The following PRDX3 variants were observed in gnomAD, a reference collection of about 807,000 sequenced individuals.
The protein encoded by PRDX3 is peroxiredoxin 3, also known as thioredoxin-dependent peroxide reductase, mitochondrial.
PRDX3 carries 20 observed loss-of-function variants against 30.4 expected under a neutral mutation model. The observed-to-expected ratio is 0.66, with a 90% CI of 0.46 to 0.96. The LOEUF is 0.96. Ranked by LOEUF, PRDX3 falls within the 40% of genes least tolerant of loss-of-function variation. The pLI is 0.00. For missense variants in PRDX3, 322 were observed against 318.3 expected (o/e 1.01, Z -0.09); for synonymous variants, 124 against 117.8 (o/e 1.05, Z -0.34).
intron 1 of PRDX3, among the ~76,000 whole-genome samples, chr10:119,177,649 CAAA>C (rs34339894): frequency 3.2e-5 from 3 of 94,868 alleles, no homozygotes; most frequent in African/African-American, 3.7e-5. Context: ...AACTCCGTCT[CAAA>C]AAAAAAAAAA....
At chr10:119,177,431 G>A (rs1215939521) in intron 1 of PRDX3, among the ~76,000 whole-genome samples, 5 of 152,076 alleles carry the variant, frequency 3.3e-5, no homozygotes, top group Admixed American at 6.6e-5. Context: ...AGGCCAAGAC[G>A]GGTTGATCAC....
chr10:119,169,452 C>T (rs948774691), intron 5 of PRDX3, 110 bp from the exon 6 acceptor site: 8 of 942,604 alleles, frequency 8.5e-6, no homozygotes, highest in African/African-American at 3.3e-5. Flanking sequence ...ATTTATTAAG[C>T]GTAATCATAT....
At chr10:119,175,309 G>A (rs1032896781) in intron 2 of PRDX3, among the ~76,000 whole-genome samples, 8 of 152,210 alleles carry the variant, frequency 5.3e-5, no homozygotes, top group Admixed American at 2.0e-4. Flanking sequence ...CTAAGGGTAC[G>A]GAGTGAAGAG....
Position 119,169,246 on chromosome 10 carries a change from C to G in PRDX3, c.648G>C (p.Val216=), listed in dbSNP as rs763094352. ...GRSVEETLRL[V]KAFQYVETHG... ...GTGTTTCTACATACTGGAACGCCTTCACCAAGCGGAGGGTTTCTTCCACGC... is the reference window on the plus strand; with the variant it reads ...GTGTTTCTACATACTGGAACGCCTTGACCAAGCGGAGGGTTTCTTCCACGC... The change falls in exon 6 of 7, where the codon GTG becomes GTC. Residue 216 remains valine (V), a synonymous_variant. Transcript: ENST00000298510. 6.2e-6 allele frequency: 10 copies of G among 1,613,570 alleles called. No individual in the cohort carries two copies. The highest frequency in any genetic ancestry group is 8.5e-6 in the Non-Finnish European group (10 of 1,180,034).
At chr10:119,174,881 T>C in intron 2 of PRDX3, 1 of 278,726 alleles carries the variant, frequency 3.6e-6, no homozygotes. Flanking sequence ...TTACTCATAA[T>C]ACCTAATACG....
intron 5 of PRDX3, 115 bp from the exon 6 acceptor site, chr10:119,169,457 T>C: frequency 2.2e-6 from 2 of 903,704 alleles, no homozygotes; most frequent in Non-Finnish European, 3.2e-6. Flanking sequence ...TTAAGCGTAA[T>C]CATATGCTTA....
rs770221597 is a variant in PRDX3 at position 119,178,783 on chromosome 10, G to T, written c.8C>A (p.Ala3Asp). 1 of 1,553,106 alleles carries T rather than the reference G, an allele frequency of 6.4e-7. No individual in the cohort carries two copies. The highest frequency in any genetic ancestry group is 8.7e-7 in the Non-Finnish European group (1 of 1,148,270). The change falls in exon 1 of 7, where the codon GCT becomes GAT. Residue 3 changes from alanine to aspartate, a missense_variant. Coordinates refer to ENST00000298510, the MANE Select transcript of PRDX3 (RefSeq NM_006793.5). The part of the protein sequence containing the change: MA[A>D]AVGRLLRASV... ...CGCTCGGAGCAACCGTCCTACAGCA[G>T]CCGCCATCTTCAGTGCACTCGGGCG...
chr10:119,178,398 AGGCAT>A (rs1489185679), intron 1 of PRDX3, among the ~76,000 whole-genome samples: 1 of 152,208 alleles, frequency 6.6e-6, no homozygotes, highest in East Asian at 1.9e-4. Context: ...GCCTTGATGT[AGGCAT>A]CATTCTTTCC....
chr10:119,178,485 C>T (rs926113486), intron 1 of PRDX3, among the ~76,000 whole-genome samples: 2 of 152,210 alleles, frequency 1.3e-5, no homozygotes, highest in African/African-American at 4.8e-5. Flanking sequence ...AGAATCAGGG[C>T]CAGGACCTTA....
intron 5 of PRDX3, chr10:119,169,767 T>C (rs961573557): frequency 6.5e-6 from 1 of 153,590 alleles, no homozygotes; most frequent in Non-Finnish European, 1.4e-5. Context: ...CTGTTTATTA[T>C]GAATGAATTA....
chr10:119,168,471 A>G lies in PRDX3; in HGVS notation c.*9T>C. 3 of 1,613,680 alleles carry G rather than the reference A, an allele frequency of 1.9e-6. No individual in the cohort carries two copies. In the South Asian group the frequency reaches 3.3e-5, roughly 18 times the overall value. On this transcript the variant is annotated 3_prime_UTR_variant, in exon 7 of 7. Transcript: ENST00000298510. Reference sequence around the variant, plus strand: ...CTCAGTTGAGAAGGTGCAGATACACATGGGTGATCTACTGATTTACCTTCT... The same window carrying G: ...CTCAGTTGAGAAGGTGCAGATACACGTGGGTGATCTACTGATTTACCTTCT...
intron 3 of PRDX3, 143 bp from the exon 4 acceptor site, chr10:119,174,015 G>A: frequency 1.4e-6 from 1 of 699,638 alleles, no homozygotes; most frequent in Non-Finnish European, 2.2e-6. Context: ...GTGTTGTGCT[G>A]GCAAAAGTAC....
intron 2 of PRDX3, among the ~76,000 whole-genome samples, chr10:119,176,717 C>T (rs1284937103): frequency 6.6e-6 from 1 of 152,224 alleles, no homozygotes; most frequent in African/African-American, 2.4e-5. Context: ...ACTCAGAAGG[C>T]ATCTGAGCTC....
chr10:119,170,863 C>G (rs1303858835), intron 5 of PRDX3: 2 of 150,138 alleles, frequency 1.3e-5, no homozygotes, highest in Non-Finnish European at 3.0e-5. Flanking sequence ...CCACTGCACT[C>G]CAGCCTGGGC....
At chr10:119,176,389 C>T (rs895856635) in intron 2 of PRDX3, among the ~76,000 whole-genome samples, 2 of 152,174 alleles carry the variant, frequency 1.3e-5, no homozygotes, top group African/African-American at 4.8e-5. Flanking sequence ...TGCCCACAAA[C>T]AAAGGCTTTA....
chr10:119,169,408 C>T, intron 5 of PRDX3, 66 bp from the exon 6 acceptor site: 2 of 1,306,514 alleles, frequency 1.5e-6, no homozygotes, highest in Non-Finnish European at 2.1e-6. Context: ...TAACTTCTTC[C>T]CTTTTAGGTC....
intron 1 of PRDX3, 36 bp downstream of exon 1, chr10:119,178,719 T>C (rs764167736): frequency 1.9e-6 from 3 of 1,550,644 alleles, no homozygotes; most frequent in Non-Finnish European, 2.6e-6. Flanking sequence ...GAGCCACCAG[T>C]GTCTCCACGC....
chr10:119,177,189 G>A (rs3740562), intron 1 of PRDX3, 36 bp from the exon 2 acceptor site: 528,056 of 1,605,868 alleles, frequency 0.33, 90,112 homozygotes, highest in East Asian at 0.54. Flanking sequence ...AAGTTTTCCT[G>A]GACTGGTGAC....
At chr10:119,174,344 G>T in intron 3 of PRDX3, 107 bp downstream of exon 3, 1 of 1,337,676 alleles carries the variant, frequency 7.5e-7, no homozygotes, top group Non-Finnish European at 1.0e-6. Context: ...GGGTCAGAAA[G>T]AATCCTTCCT....
Sources: gnomAD v4.1 joint callset for allele counts (sites outside exome capture counted in the v4.1 genomes callset) on GRCh38, gnomAD v4.1.1 for gene constraint, MANE v1.5 for transcripts, NCBI Gene and HGNC (gene_info 2026-07-23, HGNC 2026-07-21) for gene names.